The following CSMD1 variants were observed in gnomAD, a reference collection of about 807,000 sequenced individuals.
The protein encoded by CSMD1 is CUB and sushi domain-containing protein 1.
CSMD1 carries 213 observed loss-of-function variants against 417.5 expected under a neutral mutation model. The ratio of observed to expected loss-of-function variants is 0.51; its 90% CI spans 0.46 to 0.57. CSMD1 has a LOEUF of 0.57. Ranked by LOEUF, CSMD1 falls within the 20% of genes least tolerant of loss-of-function variation. The pLI, the probability that CSMD1 is intolerant of heterozygous loss-of-function variation, is 0.00. For missense variants in CSMD1, 6,923 were observed against 4,529.7 expected (o/e 1.53, Z -15.17); for synonymous variants, 2,862 against 1,736.8 (o/e 1.65, Z -16.11).
intron 5 of CSMD1, among the ~76,000 whole-genome samples, chr8:3,859,516 G>A (rs1804545868): frequency 6.6e-6 from 1 of 152,172 alleles, no homozygotes; most frequent in African/African-American, 2.4e-5. Context: ...TACAGCAGGA[G>A]CTGGCCACAG....
chr8:3,206,228 G>A, intron 30 of CSMD1, among the ~76,000 whole-genome samples: 1 of 138,076 alleles, frequency 7.2e-6, no homozygotes, highest in Non-Finnish European at 1.5e-5. Context: ...GTGTGTCTGT[G>A]TGTGTGTGTA....
At chr8:3,809,293 T>A (rs778650607) in intron 5 of CSMD1, among the ~76,000 whole-genome samples, 4 of 152,188 alleles carry the variant, frequency 2.6e-5, no homozygotes, top group Non-Finnish European at 5.9e-5. Context: ...CACAACACAA[T>A]GCACCTTTCA....
At chr8:4,640,127 T>G (rs1055750554) in intron 1 of CSMD1, among the ~76,000 whole-genome samples, 1 of 152,194 alleles carries the variant, frequency 6.6e-6, no homozygotes, top group African/African-American at 2.4e-5. Flanking sequence ...GATATGAAGA[T>G]TTCCTCAAGG....
intron 3 of CSMD1, among the ~76,000 whole-genome samples, chr8:4,098,783 T>G (rs954390348): frequency 6.6e-6 from 1 of 152,184 alleles, no homozygotes; most frequent in African/African-American, 2.4e-5. Flanking sequence ...TTGCAGTCAT[T>G]ACTAATAAGA....
chr8:4,358,152 C>G (rs1801540619), intron 3 of CSMD1, among the ~76,000 whole-genome samples: 1 of 152,156 alleles, frequency 6.6e-6, no homozygotes, highest in Non-Finnish European at 1.5e-5. Flanking sequence ...AATTTCCATG[C>G]ATGCAAAATT....
In CSMD1 at chr8:4,181,274, G is replaced by A. The variant is rs1369723675; in HGVS notation, c.416-149175C>T. On this transcript the variant is annotated intron_variant, in intron 3 of 69. Transcript: ENST00000635120. ...ACCCTGAACGTGCCCAATCTCATCTGAATTTGATATTTATTGTAAAACAAT... is the reference window on the plus strand; with the variant it reads ...ACCCTGAACGTGCCCAATCTCATCTAAATTTGATATTTATTGTAAAACAAT... 5.9e-5 allele frequency among the ~76,000 whole-genome samples: 9 copies of A among 152,064 alleles called. No homozygotes were observed. In the East Asian group the frequency reaches 1.7e-3, roughly 29 times the overall value.
intron 3 of CSMD1, among the ~76,000 whole-genome samples, chr8:4,241,743 G>A (rs141073449): frequency 0.011 from 1,568 of 146,538 alleles, 22 homozygotes; most frequent in African/African-American, 0.037. Context: ...TCGCTCTGTC[G>A]CCCAGGCTGG....
intron 5 of CSMD1, among the ~76,000 whole-genome samples, chr8:3,862,650 A>G (rs1207432412): frequency 6.6e-6 from 1 of 152,224 alleles, no homozygotes; most frequent in Non-Finnish European, 1.5e-5. Context: ...AAATCTCTAA[A>G]TATTTCTTTG....
At chr8:3,610,362 G>C (rs1288930778) in intron 8 of CSMD1, among the ~76,000 whole-genome samples, 2 of 152,084 alleles carry the variant, frequency 1.3e-5, no homozygotes, top group African/African-American at 2.4e-5. Flanking sequence ...GCGAGACCTT[G>C]TCTTTACAAA....
At chr8:4,648,274 C>T (rs1216125957) in intron 1 of CSMD1, among the ~76,000 whole-genome samples, 1 of 152,050 alleles carries the variant, frequency 6.6e-6, no homozygotes, top group Non-Finnish European at 1.5e-5. Flanking sequence ...TTTTTTCTTG[C>T]TAATTTCTTG....
intron 4 of CSMD1, among the ~76,000 whole-genome samples, chr8:4,029,966 A>G (rs879423229): frequency 4.4e-4 from 67 of 152,314 alleles, no homozygotes; most frequent in Non-Finnish European, 3.5e-4. Context: ...TTAAAGCTCC[A>G]AAATCATTTC....
chr8:3,945,488 G>C (rs999489130), intron 5 of CSMD1, among the ~76,000 whole-genome samples: 27 of 152,006 alleles, frequency 1.8e-4, no homozygotes, highest in Non-Finnish European at 5.9e-5. Flanking sequence ...CTTCAACTGT[G>C]AACTTCCCAT....
chr8:3,189,931 G>A lies in CSMD1; in HGVS notation c.5379C>T (p.Asp1793=). 1 of 1,586,074 alleles carries A rather than the reference G, an allele frequency of 6.3e-7. No individual in the cohort carries two copies. The highest frequency in any genetic ancestry group is 8.6e-7 in the Non-Finnish European group (1 of 1,166,494). ...GCTCACCCACACAGCTGGGGATCGT[G>A]TCGTTCCACTGTGCCAAGGCGTTGG... is the stretch of plus-strand genomic sequence containing the variant. The part of the protein sequence containing the change: ...SVPNALAQWN[D]TIPSCVVPCS... The change falls in exon 34 of 70, where the codon GAC becomes GAT. Residue 1793 remains aspartate (D), a synonymous_variant. Coordinates refer to ENST00000635120, the MANE Select transcript of CSMD1 (RefSeq NM_033225.6).
At chr8:4,944,190 T>G (rs943920449) in intron 1 of CSMD1, among the ~76,000 whole-genome samples, 1 of 152,150 alleles carries the variant, frequency 6.6e-6, no homozygotes, top group African/African-American at 2.4e-5. Flanking sequence ...AACTTAGATT[T>G]GGAAATTCCT....
At chr8:3,000,573 T>C (rs1303873935) in intron 52 of CSMD1, among the ~76,000 whole-genome samples, 1 of 152,156 alleles carries the variant, frequency 6.6e-6, no homozygotes, top group Non-Finnish European at 1.5e-5. Context: ...GATAATCAAA[T>C]TACCTGTGAA....
chr8:4,880,500 C>T (rs929671996), intron 1 of CSMD1, among the ~76,000 whole-genome samples: 1 of 152,052 alleles, frequency 6.6e-6, no homozygotes, highest in Non-Finnish European at 1.5e-5. Flanking sequence ...TGAATTCTGT[C>T]ATACAGAACC....
rs1554475387 is a variant in CSMD1 at position 3,889,494 on chromosome 8, A to ATATATATATATATATATAT, written c.818+108408_818+108409insATATATATATATATATATA. Among the ~76,000 whole-genome samples, 12 of 38,486 alleles carry ATATATATATATATATATAT rather than the reference A, an allele frequency of 3.1e-4. 4 individuals are homozygous for ATATATATATATATATATAT. The highest frequency in any genetic ancestry group is 4.4e-4 in the African/African-American group (5 of 11,378). 25.2% of individuals were successfully genotyped at this position (38,486 alleles called of 152,430 possible). On this transcript the variant is annotated intron_variant, in intron 5 of 69. Transcript: ENST00000635120. ...ATATATATATATATATATATATATA[A>ATATATATATATATATATAT]AATATGCTCATTAGGTCATGATATA...
chr8:3,025,224 G>C (rs370871079), intron 51 of CSMD1, among the ~76,000 whole-genome samples: 54 of 149,986 alleles, frequency 3.6e-4, no homozygotes, highest in East Asian at 1.2e-3. Flanking sequence ...GTATTGTGTG[G>C]TGTTATTCTG....
intron 1 of CSMD1, among the ~76,000 whole-genome samples, chr8:4,715,981 G>C (rs770300492): frequency 6.6e-6 from 1 of 152,172 alleles, no homozygotes; most frequent in Non-Finnish European, 1.5e-5. Context: ...TGTGATGACT[G>C]CTTAAATCTT....
Sources: allele counts gnomAD v4.1 joint callset (sites outside exome capture counted in the v4.1 genomes callset), GRCh38; gene constraint gnomAD v4.1.1; transcripts MANE v1.5; gene names NCBI Gene and HGNC (gene_info 2026-07-23, HGNC 2026-07-21).